The following CCDC39 variants were observed in gnomAD, a reference collection of about 807,000 sequenced individuals.
The protein encoded by CCDC39 is coiled-coil domain 39 molecular ruler complex subunit.
CCDC39 carries 113 observed loss-of-function variants against 121.0 expected under a neutral mutation model. That is an observed-to-expected ratio of 0.93 (90% CI 0.80 to 1.09). The LOEUF (loss-of-function observed/expected upper bound fraction) is 1.09, where lower values mean the gene tolerates loss of function less well. Among genes scored for constraint, CCDC39 ranks in the 50% least tolerant of loss-of-function variants. CCDC39 has a pLI of 0.00. For missense variants in CCDC39, 1,063 were observed against 1,074.7 expected (o/e 0.99, Z 0.15); for synonymous variants, 349 against 352.2 (o/e 0.99, Z 0.10).
intron 14 of CCDC39, among the ~76,000 whole-genome samples, chr3:180,622,105 T>C (rs1463223297): frequency 1.3e-5 from 2 of 152,182 alleles, no homozygotes; most frequent in East Asian, 3.8e-4. Context: ...CATCAGTGTT[T>C]TGTAGTTTTC....
intron 13 of CCDC39, among the ~76,000 whole-genome samples, chr3:180,636,712 C>T (rs1443815352): frequency 6.6e-6 from 1 of 152,056 alleles, no homozygotes; most frequent in Non-Finnish European, 1.5e-5. Context: ...ATCAAAACAA[C>T]ATGGTACTGG....
Position 180,660,581 on chromosome 3 carries a change from T to C in CCDC39, c.505A>G (p.Asn169Asp), listed in dbSNP as rs1711717533. 4 of 1,580,384 alleles carry C rather than the reference T, an allele frequency of 2.5e-6. No homozygotes were observed. The highest frequency in any genetic ancestry group is 2.3e-5 in the South Asian group (2 of 85,926). Reference protein sequence around the residue: ...TLQKYAQQDDNKIRALTLQLE... With the variant: ...TLQKYAQQDDDKIRALTLQLE... ...TTGTAATTTCTCACCCTGATTTTATTATCATCTTGTTGTGCATACTTCTGG... is the reference window on the plus strand; with the variant it reads ...TTGTAATTTCTCACCCTGATTTTATCATCATCTTGTTGTGCATACTTCTGG... Residue 169 changes from asparagine to aspartate, a missense_variant, in exon 4 of 20, where the codon AAT (asparagine) becomes GAT (aspartate). By Grantham distance (23) the Asn-to-Asp change is conservative. Coordinates refer to ENST00000476379, the MANE Select transcript of CCDC39 (RefSeq NM_181426.2).
chr3:180,643,706 A>G (rs1047677656), intron 12 of CCDC39, among the ~76,000 whole-genome samples: 2 of 152,174 alleles, frequency 1.3e-5, no homozygotes, highest in Non-Finnish European at 2.9e-5. Context: ...TATCCAAAGG[A>G]ACTAACTGAA....
chr3:180,655,541 G>GA (rs1257822770), intron 6 of CCDC39, among the ~76,000 whole-genome samples: 56 of 131,290 alleles, frequency 4.3e-4, no homozygotes, highest in Admixed American at 1.1e-3. Context: ...GGATAGGGAA[G>GA]AAAAAAAAAA....
At position 180,614,952 on chromosome 3, in the gene CCDC39, C is replaced by CT. The variant is rs1560078343; in HGVS notation, c.2794dup (p.Ser932LysfsTer2). ...GCTGCTCTTTTTGCTCTTAACATTA[C>CT]TAGAGCTACTACTAGCACTAGATGG... is the stretch of plus-strand genomic sequence containing the variant. On this transcript the variant is annotated frameshift_variant, in exon 20 of 20. Coordinates refer to ENST00000476379, the MANE Select transcript of CCDC39 (RefSeq NM_181426.2). LOFTEE classifies it high-confidence loss of function. 1 of 1,565,490 alleles carries CT rather than the reference C, an allele frequency of 6.4e-7. No individual in the cohort carries two copies. The highest frequency in any genetic ancestry group is 1.9e-5 in the Admixed American group (1 of 52,714).
chr3:180,642,123 C>T lies in CCDC39; in HGVS notation c.1744G>A (p.Val582Ile), dbSNP rs1279025303. The change falls in exon 13 of 20, where the codon GTT becomes ATT. Residue 582 changes from valine to isoleucine, a missense_variant. By Grantham distance (29) the Val-to-Ile change is conservative. Transcript: ENST00000476379. ...TGTTTTCTTTTTTCTAGGGAAAGAA[C>T]TTCTTCTGCCTTACTGTGAAGCATT... The part of the protein sequence containing the change: ...REMLHSKAEE[V>I]LSLEKRKQQL... 6.2e-7 allele frequency: 1 copy of T among 1,612,650 alleles called. No homozygotes were observed. The highest frequency in any genetic ancestry group is 1.3e-5 in the African/African-American group (1 of 75,002).
At chr3:180,635,720 C>A (rs1317167454) in intron 13 of CCDC39, among the ~76,000 whole-genome samples, 1 of 152,188 alleles carries the variant, frequency 6.6e-6, no homozygotes, top group African/African-American at 2.4e-5. Context: ...TAGGGTATAG[C>A]CCCTGTGGCT....
intron 6 of CCDC39, among the ~76,000 whole-genome samples, chr3:180,658,596 CA>C (rs545147274): frequency 2.0e-3 from 263 of 134,138 alleles, no homozygotes; most frequent in Non-Finnish European, 1.5e-3. Context: ...GACTCCGTCT[CA>C]AAAAAAAAAA....
rs2108413248 is a variant in CCDC39, at chr3:180,631,737, A to G, written c.1875-145T>C. ...ATTTGTTCTCACGTTTTAATTTAAT[A>G]AAAAGACTATCAGGTGTTCTTATTG... On this transcript the variant is annotated intron_variant, in intron 13 of 19. Coordinates refer to ENST00000476379, the MANE Select transcript of CCDC39 (RefSeq NM_181426.2). 3 of 679,256 alleles carry G rather than the reference A, an allele frequency of 4.4e-6. No individual in the cohort carries two copies. The South Asian group carries it at 5.7e-5, about 13-fold the overall frequency. The allele number at this position is 679,256 out of a possible 1,614,324, so 42.1% of individuals were successfully genotyped here.
In CCDC39 at chr3:180,642,018, CA is replaced by C. The variant is rs1576941580; in HGVS notation, c.1848del (p.Tyr616Ter). The C allele has an allele frequency of 8.8e-6, 14 of 1,595,694 alleles. No homozygotes were observed. The highest frequency in any genetic ancestry group is 1.2e-5 in the Non-Finnish European group (14 of 1,170,486). On this transcript the variant is annotated frameshift_variant, in exon 13 of 20. Transcript: ENST00000476379. LOFTEE classifies it high-confidence loss of function. ...CTTATGTTTTCCCGTTCTTGATCAA[CA>C]TATCTTATTTGTGACGCAAGCATTG... ...HKTMLASQIR[Y>X]VDQERENIST...
At chr3:180,627,670 T>C (rs1717596330) in intron 14 of CCDC39, among the ~76,000 whole-genome samples, 1 of 152,194 alleles carries the variant, frequency 6.6e-6, no homozygotes, top group South Asian at 2.1e-4. Context: ...ATACTAGTCC[T>C]TCACTGGTTA....
chr3:180,626,151 G>A (rs1717553325), intron 14 of CCDC39, among the ~76,000 whole-genome samples: 1 of 152,150 alleles, frequency 6.6e-6, no homozygotes, highest in African/African-American at 2.4e-5. Context: ...CCTCTGGCCT[G>A]TTGGTAGTGC....
chr3:180,677,438 G>T lies in CCDC39; in HGVS notation c.90+1853C>A, dbSNP rs538362631. On this transcript the variant is annotated intron_variant, in intron 1 of 19. Transcript: ENST00000476379. ...AATAAAACTTGATAATATTAAAAATGATAAAACCATTATTTTTAATAGGGG... is the reference window on the plus strand; with the variant it reads ...AATAAAACTTGATAATATTAAAAATTATAAAACCATTATTTTTAATAGGGG... Among the ~76,000 whole-genome samples, 115 of 151,370 alleles carry T rather than the reference G, an allele frequency of 7.6e-4. No individual in the cohort carries two copies. In the Middle Eastern group the frequency reaches 0.01, roughly 13 times the overall value.
chr3:180,632,871 C>G (rs1198530786), intron 13 of CCDC39, among the ~76,000 whole-genome samples: 2 of 152,170 alleles, frequency 1.3e-5, no homozygotes, highest in Non-Finnish European at 2.9e-5. Context: ...GGGCCATTCC[C>G]CTCAACCCCT....
chr3:180,618,612 G>A (rs1193999865), intron 16 of CCDC39, among the ~76,000 whole-genome samples: 2 of 152,012 alleles, frequency 1.3e-5, no homozygotes, highest in African/African-American at 2.4e-5. Flanking sequence ...CTGGGTCCAC[G>A]TGTTCTCACT....
chr3:180,615,447 T>G (rs1717194845), intron 19 of CCDC39, among the ~76,000 whole-genome samples: 1 of 152,144 alleles, frequency 6.6e-6, no homozygotes, highest in Non-Finnish European at 1.5e-5. Context: ...TGATACCTTT[T>G]GTAATTTAAG....
rs537322164 is a variant in CCDC39 at position 180,614,548 on chromosome 3, C to T, written c.*373G>A. 57 of 161,672 alleles carry T rather than the reference C, an allele frequency of 3.5e-4. No individual in the cohort carries two copies. The highest frequency in any genetic ancestry group is 1.0e-3 in the Admixed American group (16 of 15,578). 10.0% of individuals were successfully genotyped at this position (161,672 alleles called of 1,614,324 possible). A position where few individuals can be genotyped will look rare whatever the true frequency, so the allele number is the denominator to read the frequency against. On this transcript the variant is annotated 3_prime_UTR_variant, in exon 20 of 20. Transcript: ENST00000476379. ...TAAATGAGATTTTCACATTGCAATA[C>T]GCTCATAATAGTACAGTAAATCTTT...
At chr3:180,624,316 T>A (rs557682906) in intron 14 of CCDC39, among the ~76,000 whole-genome samples, 8 of 152,280 alleles carry the variant, frequency 5.3e-5, no homozygotes, top group Non-Finnish European at 1.0e-4. Context: ...TCCAATAAGG[T>A]GAGTTTCATA....
chr3:180,638,895 T>C (rs1267499912), intron 13 of CCDC39, among the ~76,000 whole-genome samples: 1 of 152,138 alleles, frequency 6.6e-6, no homozygotes. Context: ...AATTTCTTAA[T>C]GTTTCCTGAA....
Sources: allele counts gnomAD v4.1 joint callset (sites outside exome capture counted in the v4.1 genomes callset), GRCh38; gene constraint gnomAD v4.1.1; transcripts MANE v1.5; gene names NCBI Gene and HGNC (gene_info 2026-07-23, HGNC 2026-07-21).